The following LANCL1 variants were observed in gnomAD, a reference collection of about 807,000 sequenced individuals.
The protein encoded by LANCL1 is LanC like glutathione S-transferase 1.
A neutral mutation model predicts 50.6 loss-of-function variants in LANCL1; 50 were observed. The ratio of observed to expected loss-of-function variants is 0.99; its 90% CI spans 0.79 to 1.25. LANCL1 has a LOEUF of 1.25. LANCL1 is among the 50% of genes most tolerant of loss of function. LANCL1 has a pLI of 0.00. For missense variants in LANCL1, 532 were observed against 480.7 expected (o/e 1.11, Z -1.00); for synonymous variants, 188 against 178.6 (o/e 1.05, Z -0.42).
Position 210,441,436 on chromosome 2 carries a change from G to A in LANCL1, c.415C>T (p.His139Tyr). Reference sequence around the variant, plus strand: ...GCATGAGGATCAATCTTATTTAGGTGAATTAGCCTAAAAATAAAAATACAT... The same window carrying A: ...GCATGAGGATCAATCTTATTTAGGTAAATTAGCCTAAAAATAAAAATACAT... The part of the protein sequence containing the change: ...QAEDCITRLI[H>Y]LNKIDPHAPN... The change falls in exon 5 of 10, where the codon CAC becomes TAC. Residue 139 changes from histidine to tyrosine, a missense_variant. By Grantham distance (83) the His-to-Tyr change is moderately conservative. Transcript: ENST00000450366. The A allele has an allele frequency of 1.2e-6, 2 of 1,602,154 alleles. No individual in the cohort carries two copies. The highest frequency in any genetic ancestry group is 1.1e-5 in the South Asian group (1 of 89,144).
chr2:210,475,866 A>G (rs1175826535), intron 2 of LANCL1, among the ~76,000 whole-genome samples: 1 of 152,124 alleles, frequency 6.6e-6, no homozygotes, highest in Non-Finnish European at 1.5e-5. Flanking sequence ...TAGGTCCCCA[A>G]ATTCTCTAAG....
intron 6 of LANCL1, among the ~76,000 whole-genome samples, chr2:210,440,305 C>G (rs1177537459): frequency 6.6e-6 from 1 of 152,170 alleles, no homozygotes; most frequent in Non-Finnish European, 1.5e-5. Context: ...GCACTTCATA[C>G]AGAATTATAA....
At chr2:210,462,110 A>G (rs977067831) in intron 3 of LANCL1, among the ~76,000 whole-genome samples, 1 of 152,198 alleles carries the variant, frequency 6.6e-6, no homozygotes, top group Admixed American at 6.5e-5. Flanking sequence ...CATGGCAGGT[A>G]GCATTACGTT....
chr2:210,462,959 T>C (rs1693911128), intron 3 of LANCL1, among the ~76,000 whole-genome samples: 2 of 152,302 alleles, frequency 1.3e-5, no homozygotes, highest in African/African-American at 4.8e-5. Flanking sequence ...CTCCATCTTA[T>C]AGCTTATGAA....
chr2:210,447,504 A>G lies in LANCL1; in HGVS notation c.408-6061T>C, dbSNP rs1449493350. ...GACAGGATCAAATTCACACATAACA[A>G]TATTAACCTTAAATGTAAATGAGCT... On this transcript the variant is annotated intron_variant, in intron 4 of 9. Coordinates refer to ENST00000450366, the MANE Select transcript of LANCL1 (RefSeq NM_006055.3). Among the ~76,000 whole-genome samples, 7 of 152,332 alleles carry G rather than the reference A, an allele frequency of 4.6e-5. No individual in the cohort carries two copies. The East Asian group carries it at 5.8e-4, about 13-fold the overall frequency.
upstream of LANCL1, chr2:210,476,827 A>T: frequency 2.0e-6 from 2 of 1,000,508 alleles, no homozygotes; most frequent in Non-Finnish European, 2.4e-6. Context: ...CTTCTCTCTT[A>T]CAGTTTGTTA....
upstream of LANCL1, chr2:210,476,896 A>G (rs1694402963): frequency 4.0e-6 from 3 of 746,190 alleles, no homozygotes; most frequent in African/African-American, 1.9e-5. Context: ...ACTGGGTAGC[A>G]GAAGTGAGGA....
chr2:210,446,830 G>T (rs1383213811), intron 4 of LANCL1, among the ~76,000 whole-genome samples: 1 of 151,960 alleles, frequency 6.6e-6, no homozygotes, highest in African/African-American at 2.4e-5. Flanking sequence ...AGGAACGAAA[G>T]CCTCCAAGAA....
At chr2:210,455,412 G>T in intron 3 of LANCL1, 98 bp from the exon 4 acceptor site, 1 of 948,236 alleles carries the variant, frequency 1.1e-6, no homozygotes, top group Non-Finnish European at 1.6e-6. Context: ...TTGATAACCT[G>T]TAGCAAATTT....
intron 4 of LANCL1, among the ~76,000 whole-genome samples, chr2:210,450,833 G>A (rs1693490315): frequency 6.6e-6 from 1 of 152,182 alleles, no homozygotes; most frequent in Non-Finnish European, 1.5e-5. Flanking sequence ...GGAAACAACA[G>A]ATGCTGCATA....
chr2:210,459,849 ATTT>A (rs774653964), intron 3 of LANCL1, among the ~76,000 whole-genome samples: 1 of 146,376 alleles, frequency 6.8e-6, no homozygotes, highest in African/African-American at 2.5e-5. Context: ...TGTGAACTAG[ATTT>A]TTTTTTTTTT....
At chr2:210,475,642 T>C (rs1220356908) in intron 2 of LANCL1, among the ~76,000 whole-genome samples, 1 of 152,210 alleles carries the variant, frequency 6.6e-6, no homozygotes, top group African/African-American at 2.4e-5. Context: ...CAAAAGTAGG[T>C]ATTCTTAAAA....
At chr2:210,467,828 C>A (rs1694115156) in intron 3 of LANCL1, among the ~76,000 whole-genome samples, 1 of 152,170 alleles carries the variant, frequency 6.6e-6, no homozygotes, top group South Asian at 2.1e-4. Context: ...CAAATCTAGA[C>A]ACACCATGAA....
At chr2:210,443,913 G>A (rs1693228652) in intron 4 of LANCL1, among the ~76,000 whole-genome samples, 1 of 152,208 alleles carries the variant, frequency 6.6e-6, no homozygotes, top group Non-Finnish European at 1.5e-5. Context: ...AGATGGGCTG[G>A]AGGTTTGGAA....
At chr2:210,446,666 C>A (rs572978619) in intron 4 of LANCL1, among the ~76,000 whole-genome samples, 2 of 151,836 alleles carry the variant, frequency 1.3e-5, no homozygotes, top group South Asian at 2.1e-4. Context: ...ACATAAACGA[C>A]CTGATGGAGC....
Position 210,431,548 on chromosome 2 carries a change from T to G in LANCL1, c.*2939A>C, listed in dbSNP as rs573165190. Reference sequence around the variant, plus strand: ...GCAGCCAAAGGAGTATACATGTAAATAGTCACTCTTCACATTTTCTATTTC... The same window carrying G: ...GCAGCCAAAGGAGTATACATGTAAAGAGTCACTCTTCACATTTTCTATTTC... On this transcript the variant is annotated 3_prime_UTR_variant, in exon 10 of 10. Coordinates refer to ENST00000450366, the MANE Select transcript of LANCL1 (RefSeq NM_006055.3). 1 of 152,190 alleles carries G rather than the reference T, an allele frequency of 6.6e-6. No homozygotes were observed. The highest frequency in any genetic ancestry group is 6.5e-5 in the Admixed American group (1 of 15,280). The allele number at this position is 152,190 out of a possible 1,614,324, so 9.4% of individuals were successfully genotyped here. A position where few individuals can be genotyped will look rare whatever the true frequency, so the allele number is the denominator to read the frequency against.
chr2:210,448,777 CACAT>C lies in LANCL1; in HGVS notation c.407+6326_407+6329del, dbSNP rs1693424934. Among the ~76,000 whole-genome samples the C allele has an allele frequency of 2.6e-5, 4 of 152,174 alleles. No individual in the cohort carries two copies. The South Asian group carries it at 8.3e-4, about 31-fold the overall frequency. ...TAGAAGAAATGGATAAATTCCTTGA[CACAT>C]ACACCCTCCCAAGACTAAACCAGGA... On this transcript the variant is annotated intron_variant, in intron 4 of 9. Coordinates refer to ENST00000450366, the MANE Select transcript of LANCL1 (RefSeq NM_006055.3).
At position 210,471,942 on chromosome 2, in the gene LANCL1, C is replaced by T. The variant is rs112248340; in HGVS notation, c.199+17G>A. ...TAAGCACAATGCTTATGCCAGCTCA[C>T]AGTCAGCACTTCATACCTGCCCAGC... On this transcript the variant is annotated intron_variant, in intron 3 of 9. Coordinates refer to ENST00000450366, the MANE Select transcript of LANCL1 (RefSeq NM_006055.3). The T allele has an allele frequency of 1.3e-6, 2 of 1,539,444 alleles. No individual in the cohort carries two copies. The highest frequency in any genetic ancestry group is 1.4e-5 in the African/African-American group (1 of 73,446).
chr2:210,476,519 A>T, intron 1 of LANCL1, 101 bp downstream of exon 1: 2 of 1,409,968 alleles, frequency 1.4e-6, no homozygotes, highest in Non-Finnish European at 9.3e-7. Flanking sequence ...CTCCAGGGCC[A>T]TCGAGCCGTC....
Sources: gnomAD v4.1 joint callset for allele counts (sites outside exome capture counted in the v4.1 genomes callset) on GRCh38, gnomAD v4.1.1 for gene constraint, MANE v1.5 for transcripts, NCBI Gene and HGNC (gene_info 2026-07-23, HGNC 2026-07-21) for gene names.